SRGAP1: variants seen among roughly 807,000 people sequenced by gnomAD.
The protein encoded by SRGAP1 is SLIT-ROBO Rho GTPase-activating protein 1.
In SRGAP1, 43 loss-of-function variants were observed where a neutral mutation model predicts 121.9. That is an observed-to-expected ratio of 0.35 (90% CI 0.28 to 0.46). SRGAP1 has a LOEUF of 0.46. Ranked by LOEUF, SRGAP1 falls within the 20% of genes least tolerant of loss-of-function variation. The pLI, the probability that SRGAP1 is intolerant of heterozygous loss-of-function variation, is 1.00. For missense variants in SRGAP1, 1,102 were observed against 1,350.9 expected (o/e 0.82, Z 2.89); for synonymous variants, 447 against 485.4 (o/e 0.92, Z 1.04).
intron 1 of SRGAP1, among the ~76,000 whole-genome samples, chr12:63,902,130 C>T (rs1708108863): frequency 6.6e-6 from 1 of 152,168 alleles, no homozygotes; most frequent in Non-Finnish European, 1.5e-5. Context: ...GCCTGGGCAA[C>T]ATGGTGAAAC....
chr12:64,121,480 C>T (rs1470379770), intron 18 of SRGAP1, among the ~76,000 whole-genome samples: 1 of 151,978 alleles, frequency 6.6e-6, no homozygotes, highest in Non-Finnish European at 1.5e-5. Flanking sequence ...GTTTCAAACT[C>T]CTGGCCTCAA....
At chr12:64,023,888 A>C (rs1481613184) in intron 4 of SRGAP1, among the ~76,000 whole-genome samples, 2 of 152,206 alleles carry the variant, frequency 1.3e-5, no homozygotes, top group East Asian at 3.8e-4. Flanking sequence ...TCATACAGAC[A>C]GTAAATGACT....
At chr12:64,024,742 G>A (rs769424006) in intron 4 of SRGAP1, among the ~76,000 whole-genome samples, 5 of 152,136 alleles carry the variant, frequency 3.3e-5, no homozygotes, top group Non-Finnish European at 7.3e-5. Flanking sequence ...GAGGGCTCAG[G>A]GAACTTACAG....
chr12:63,854,446 C>T (rs57966342), intron 1 of SRGAP1, among the ~76,000 whole-genome samples: 19,010 of 152,088 alleles, frequency 0.12, 1,807 homozygotes, highest in East Asian at 0.41. Flanking sequence ...GAAATTAGGA[C>T]ATCTGGGATT....
chr12:64,073,508 C>T (rs747515207), intron 8 of SRGAP1, among the ~76,000 whole-genome samples: 4 of 152,098 alleles, frequency 2.6e-5, no homozygotes, highest in Non-Finnish European at 5.9e-5. Context: ...GGTTCCAGCA[C>T]CTCCCACAGA....
At chr12:63,957,415 A>G (rs538257720) in intron 1 of SRGAP1, among the ~76,000 whole-genome samples, 3 of 152,270 alleles carry the variant, frequency 2.0e-5, no homozygotes, top group East Asian at 3.9e-4. Context: ...TGGCTGGGCC[A>G]GCGAACCCAT....
chr12:64,063,259 G>A (rs1254449364), intron 7 of SRGAP1, 121 bp downstream of exon 7: 3 of 897,112 alleles, frequency 3.3e-6, no homozygotes, highest in Non-Finnish European at 5.0e-6. Flanking sequence ...CCTTGCAGAG[G>A]CTCTTAATAT....
intron 1 of SRGAP1, among the ~76,000 whole-genome samples, chr12:63,965,471 T>A (rs931051290): frequency 9.9e-5 from 15 of 152,180 alleles, no homozygotes; most frequent in Non-Finnish European, 5.9e-5. Context: ...TTTGTAGGAA[T>A]AAAAAGTTAT....
chr12:64,036,036 T>C, intron 4 of SRGAP1, among the ~76,000 whole-genome samples: 1 of 152,228 alleles, frequency 6.6e-6, no homozygotes, highest in East Asian at 1.9e-4. Context: ...GCACTGGAAC[T>C]CAAATCCAGG....
At chr12:63,937,557 A>G (rs1592961627) in intron 1 of SRGAP1, among the ~76,000 whole-genome samples, 1 of 152,348 alleles carries the variant, frequency 6.6e-6, no homozygotes, top group East Asian at 1.9e-4. Flanking sequence ...GATTAATTAA[A>G]GCAGGGATGC....
intron 8 of SRGAP1, among the ~76,000 whole-genome samples, chr12:64,076,790 CACAT>C (rs1367033034): frequency 6.6e-6 from 1 of 151,936 alleles, no homozygotes; most frequent in Non-Finnish European, 1.5e-5. Context: ...GGATTACAGG[CACAT>C]ACCACCACGC....
At chr12:64,113,813 G>T (rs1321207360) in intron 17 of SRGAP1, among the ~76,000 whole-genome samples, 1 of 152,156 alleles carries the variant, frequency 6.6e-6, no homozygotes, top group African/African-American at 2.4e-5. Flanking sequence ...AGGTGTGTGT[G>T]ATTCCAAAGC....
intron 4 of SRGAP1, among the ~76,000 whole-genome samples, chr12:64,025,152 T>TA (rs11286618): frequency 0.038 from 5,170 of 135,158 alleles, 266 homozygotes; most frequent in African/African-American, 0.13. Context: ...AACGTTTAAA[T>TA]AAAAAAAAAA....
intron 1 of SRGAP1, among the ~76,000 whole-genome samples, chr12:63,903,667 C>A (rs1046811698): frequency 1.2e-4 from 18 of 151,608 alleles, no homozygotes; most frequent in African/African-American, 4.4e-4. Context: ...CAGAGTCTCA[C>A]TCTGTTGCCC....
At chr12:63,904,514 T>C (rs1429212301) in intron 1 of SRGAP1, among the ~76,000 whole-genome samples, 1 of 152,196 alleles carries the variant, frequency 6.6e-6, no homozygotes, top group Non-Finnish European at 1.5e-5. Context: ...TCTCCAGCTG[T>C]ATGTGGCACT....
chr12:63,850,054 G>A (rs556688953), intron 1 of SRGAP1, among the ~76,000 whole-genome samples: 2 of 152,264 alleles, frequency 1.3e-5, no homozygotes, highest in African/African-American at 4.8e-5. Context: ...ACCATTTTAA[G>A]AGACCACAAT....
At chr12:63,984,184 C>A in intron 2 of SRGAP1, 42 bp downstream of exon 2, 1 of 1,153,564 alleles carries the variant, frequency 8.7e-7, no homozygotes, top group Non-Finnish European at 1.2e-6. Flanking sequence ...AGGGTGATAT[C>A]CATACTGCCT....
chr12:63,854,137 G>A (rs1315008213), intron 1 of SRGAP1, among the ~76,000 whole-genome samples: 3 of 152,156 alleles, frequency 2.0e-5, no homozygotes, highest in African/African-American at 7.2e-5. Context: ...AACATTACCA[G>A]TGCCTTAGAA....
intron 4 of SRGAP1, among the ~76,000 whole-genome samples, chr12:64,022,496 A>G (rs768440985): frequency 6.8e-4 from 103 of 152,184 alleles, no homozygotes; most frequent in Admixed American, 2.9e-3. Context: ...TACCCAGCCT[A>G]CTGATTCCTA....
Sources: gnomAD v4.1 joint callset for allele counts (sites outside exome capture counted in the v4.1 genomes callset) on GRCh38, gnomAD v4.1.1 for gene constraint, MANE v1.5 for transcripts, NCBI Gene and HGNC (gene_info 2026-07-23, HGNC 2026-07-21) for gene names.